The following LCP1 variants were observed in gnomAD, a reference collection of about 807,000 sequenced individuals.
The protein encoded by LCP1 is plastin-2.
A neutral mutation model predicts 72.0 loss-of-function variants in LCP1; 23 were observed. The observed-to-expected ratio is 0.32, with a 90% CI of 0.23 to 0.45. The LOEUF is 0.45. Ranked by LOEUF, LCP1 falls within the 20% of genes least tolerant of loss-of-function variation. The pLI, the probability that LCP1 is intolerant of heterozygous loss-of-function variation, is 1.00. For missense variants in LCP1, 571 were observed against 748.3 expected, an observed-to-expected ratio of 0.76 and a Z score of 2.76; for synonymous variants, 245 against 275.4, an observed-to-expected ratio of 0.89 and a Z score of 1.09.
At chr13:46,156,745 AGGCAT>A (rs2045803696) in intron 4 of LCP1, among the ~76,000 whole-genome samples, 175 bp from the exon 5 acceptor site, 1 of 152,196 alleles carries the variant, frequency 6.6e-6, no homozygotes, top group Non-Finnish European at 1.5e-5. Flanking sequence ...CTTGGGAAAT[AGGCAT>A]TGAGTCTGTG....
chr13:46,163,125 G>A lies in LCP1; in HGVS notation c.-24-3439C>T, dbSNP rs796362625. On this transcript the variant is annotated intron_variant, in intron 1 of 15. Coordinates refer to ENST00000323076, the MANE Select transcript of LCP1 (RefSeq NM_002298.5). ...AGCCCCTCTGCCCGGCCGCCACCCC[G>A]TCTGGGAGGTGTACCCAACAGCTCA... 1.1e-4 allele frequency among the ~76,000 whole-genome samples: 17 copies of A among 152,318 alleles called. No individual in the cohort carries two copies. The East Asian group carries it at 3.1e-3, about 28-fold the overall frequency.
chr13:46,165,065 C>G (rs752126990), intron 1 of LCP1, among the ~76,000 whole-genome samples: 108 of 152,174 alleles, frequency 7.1e-4, no homozygotes, highest in Non-Finnish European at 1.5e-3. Flanking sequence ...AACAGGCAGA[C>G]CAGATCATTT....
chr13:46,160,710 A>G (rs2045832759), intron 1 of LCP1, among the ~76,000 whole-genome samples: 1 of 152,182 alleles, frequency 6.6e-6, no homozygotes, highest in African/African-American at 2.4e-5. Context: ...AATGGATGAT[A>G]ATCTCCATGC....
rs1201561741 is a variant in LCP1, at chr13:46,151,024, G to C, written c.794C>G (p.Ser265Cys). 2 of 1,613,910 alleles carry C rather than the reference G, an allele frequency of 1.2e-6. No individual in the cohort carries two copies. The highest frequency in any genetic ancestry group is 1.7e-5 in the Admixed American group (1 of 59,972). Reference protein sequence around the residue: ...GESLEDLMKLSPEELLLRWAN... With the variant: ...GESLEDLMKLCPEELLLRWAN... ...CCACCTCAGCAAGAGCTCTTCAGGG[G>C]AGAGTTTCATCAAATCCTCCAGGCT... The change falls in exon 8 of 16, where the codon TCC (serine) becomes TGC (cysteine). Residue 265 changes from serine to cysteine, a missense_variant. Coordinates refer to ENST00000323076, the MANE Select transcript of LCP1 (RefSeq NM_002298.5).
At chr13:46,148,203 C>A (rs543709023) in intron 9 of LCP1, 149 bp downstream of exon 9, 12 of 607,580 alleles carry the variant, frequency 2.0e-5, no homozygotes, top group African/African-American at 1.8e-4. Flanking sequence ...ATTATTATCC[C>A]AAACTGCTCA....
At chr13:46,168,721 C>G (rs2045890464) in intron 1 of LCP1, among the ~76,000 whole-genome samples, 1 of 152,170 alleles carries the variant, frequency 6.6e-6, no homozygotes, top group African/African-American at 2.4e-5. Flanking sequence ...TAAAAATATC[C>G]AAATAAGGAA....
intron 13 of LCP1, among the ~76,000 whole-genome samples, chr13:46,134,901 C>G (rs1375506389): frequency 6.6e-6 from 1 of 151,932 alleles, no homozygotes; most frequent in African/African-American, 2.4e-5. Flanking sequence ...CTCAGGAGTT[C>G]CAGACCTGCC....
At chr13:46,172,122 G>A (rs986552288) in intron 1 of LCP1, among the ~76,000 whole-genome samples, 1 of 152,236 alleles carries the variant, frequency 6.6e-6, no homozygotes, top group Non-Finnish European at 1.5e-5. Flanking sequence ...TGCCCACTGA[G>A]CTAAGTCTTA....
chr13:46,154,995 A>G (rs1379350785), intron 5 of LCP1, 109 bp from the exon 6 acceptor site: 5 of 806,352 alleles, frequency 6.2e-6, no homozygotes, highest in African/African-American at 1.7e-5. Flanking sequence ...TAGCAACAGA[A>G]TCTGTGATGT....
chr13:46,172,687 C>A lies in LCP1; in HGVS notation c.-25+9424G>T, dbSNP rs368750294. ...GCTCTTGTTTCTAGAGGCAAAACCT[C>A]GGTGATGCAGGCTATACTCCACTCA... On this transcript the variant is annotated intron_variant, in intron 1 of 15. Coordinates refer to ENST00000323076, the MANE Select transcript of LCP1 (RefSeq NM_002298.5). 1.3e-5 allele frequency among the ~76,000 whole-genome samples: 2 copies of A among 152,054 alleles called. 1 individual carries two copies. The highest frequency in any genetic ancestry group is 4.2e-4 in the South Asian group (2 of 4,810).
chr13:46,129,572 T>C (rs2045621483), intron 15 of LCP1, among the ~76,000 whole-genome samples: 1 of 152,174 alleles, frequency 6.6e-6, no homozygotes, highest in African/African-American at 2.4e-5. Flanking sequence ...TCACAATCTA[T>C]TGTAATTTTA....
intron 1 of LCP1, among the ~76,000 whole-genome samples, chr13:46,165,615 A>G (rs977125140): frequency 6.6e-6 from 1 of 152,192 alleles, no homozygotes; most frequent in Non-Finnish European, 1.5e-5. Context: ...CTTCCAAGGT[A>G]TAAGTGAGTG....
intron 1 of LCP1, among the ~76,000 whole-genome samples, chr13:46,171,215 CTG>C (rs912376162): frequency 6.6e-6 from 1 of 152,200 alleles, no homozygotes; most frequent in African/African-American, 2.4e-5. Context: ...TTTGAGGAAA[CTG>C]AGGTTTAAAT....
At position 46,159,006 on chromosome 13, in the gene LCP1, A is replaced by G. The variant is rs1484088398; in HGVS notation, c.65-17T>C. On this transcript the variant is annotated splice_polypyrimidine_tract_variant and intron_variant, in intron 2 of 15. Transcript: ENST00000323076. ...CATCAGTATCTGTAATGTACACAAT[A>G]TACTGAAGCTTCAGGACGATTCAGG... The G allele has an allele frequency of 6.2e-6, 10 of 1,613,192 alleles. No individual in the cohort carries two copies. The highest frequency in any genetic ancestry group is 7.6e-6 in the Non-Finnish European group (9 of 1,179,642).
intron 4 of LCP1, among the ~76,000 whole-genome samples, chr13:46,157,069 C>T (rs1421905709): frequency 3.9e-5 from 6 of 151,938 alleles, no homozygotes; most frequent in African/African-American, 1.4e-4. Flanking sequence ...ATCTGCCCAC[C>T]TCAGCCTCCC....
chr13:46,154,854 A>G lies in LCP1; in HGVS notation c.524T>C (p.Ile175Thr), dbSNP rs761412346. The change falls in exon 6 of 16, where the codon ATT (isoleucine) becomes ACT (threonine). Residue 175 changes from isoleucine (I) to threonine (T), a missense_variant. Transcript: ENST00000323076. ...KMINLSVPDT[I>T]DERTINKKKL... Reference sequence around the variant, plus strand: ...CTTTTTGTTGATTGTTCTTTCATCAATTGTGTCTGGCACTGACAGGTTGAT... The same window carrying G: ...CTTTTTGTTGATTGTTCTTTCATCAGTTGTGTCTGGCACTGACAGGTTGAT... 20 of 1,614,030 alleles carry G rather than the reference A, an allele frequency of 1.2e-5. No homozygotes were observed. Among genetic ancestry groups the G allele is most frequent in the Middle Eastern group, 1.6e-4 (1 of 6,082 alleles).
chr13:46,143,484 A>G lies in LCP1; in HGVS notation c.1254-80T>C, dbSNP rs191675634. Reference sequence around the variant, plus strand: ...TACAATGGGCCAGACACTTTCTTACATATTAGTTCAAAGAATATTCACAAC... The same window carrying G: ...TACAATGGGCCAGACACTTTCTTACGTATTAGTTCAAAGAATATTCACAAC... On this transcript the variant is annotated intron_variant, in intron 11 of 15. Coordinates refer to ENST00000323076, the MANE Select transcript of LCP1 (RefSeq NM_002298.5). 4.5e-6 allele frequency: 4 copies of G among 884,904 alleles called. No individual in the cohort carries two copies. The African/African-American group carries it at 4.9e-5, about 11-fold the overall frequency. 54.8% of individuals were successfully genotyped at this position (884,904 alleles called of 1,614,324 possible).
Position 46,152,847 on chromosome 13 carries a change from G to C in LCP1, c.672C>G (p.Val224=), listed in dbSNP as rs1368609772. ...EDLKEGKPYL[V]LGLLWQVIKI... ...TGATGACTTGCCACAGAAGTCCCAGGACCAGATAAGGCTTCCCCTCCTTCA... is the reference window on the plus strand; with the variant it reads ...TGATGACTTGCCACAGAAGTCCCAGCACCAGATAAGGCTTCCCCTCCTTCA... The change falls in exon 7 of 16, where the codon GTC becomes GTG. Residue 224 remains valine (V), a synonymous_variant. Coordinates refer to ENST00000323076, the MANE Select transcript of LCP1 (RefSeq NM_002298.5). The C allele has an allele frequency of 2.5e-6, 4 of 1,614,114 alleles. No homozygotes were observed. In the Admixed American group the frequency reaches 5.0e-5, roughly 20 times the overall value.
intron 6 of LCP1, 56 bp downstream of exon 6, chr13:46,154,749 T>A: frequency 1.4e-6 from 2 of 1,429,256 alleles, no homozygotes; most frequent in Non-Finnish European, 2.0e-6. Flanking sequence ...TCAGCAGTTA[T>A]GATGCTCATT....
Sources: gnomAD v4.1 joint callset for allele counts (sites outside exome capture counted in the v4.1 genomes callset) on GRCh38, gnomAD v4.1.1 for gene constraint, MANE v1.5 for transcripts, NCBI Gene and HGNC (gene_info 2026-07-23, HGNC 2026-07-21) for gene names.